Variants in TCF7L2 observed in about 807,000 individuals in gnomAD.
TCF7L2 encodes transcription factor 7-like 2.
A neutral mutation model predicts 77.9 loss-of-function variants in TCF7L2; 23 were observed. The ratio of observed to expected loss-of-function variants is 0.30; its 90% CI spans 0.21 to 0.42. The LOEUF is 0.42. TCF7L2 is among the 10% of genes least tolerant of loss of function. The pLI, the probability that TCF7L2 is intolerant of heterozygous loss-of-function variation, is 1.00. For missense variants in TCF7L2, 654 were observed against 793.1 expected (o/e 0.82, Z 2.11); for synonymous variants, 413 against 340.2 (o/e 1.21, Z -2.36).
rs139862142 is a variant in TCF7L2, at chr10:113,069,856, C to T, written c.552+29730C>T. ...TTGTAAAACCAGATATTCAAGAATA[C>T]TAGTGGCAAGAATGCTTTGGTGAGC... On this transcript the variant is annotated intron_variant, in intron 5 of 13. Coordinates refer to ENST00000627217, the MANE Select transcript of TCF7L2 (RefSeq NM_001146274.2). Among the ~76,000 whole-genome samples, 500 of 152,216 alleles carry T rather than the reference C, an allele frequency of 3.3e-3. 2 individuals are homozygous for T. Among genetic ancestry groups the T allele is most frequent in the African/African-American group, 0.011 (473 of 41,526 alleles).
intron 5 of TCF7L2, among the ~76,000 whole-genome samples, chr10:113,083,551 C>A (rs1307443738): frequency 6.6e-6 from 1 of 152,148 alleles, no homozygotes; most frequent in Non-Finnish European, 1.5e-5. Flanking sequence ...ATCAAAGTTA[C>A]CTCATCTTCA....
intron 13 of TCF7L2, 147 bp from the exon 15 acceptor site, chr10:113,165,408 G>A (rs975587032): frequency 2.4e-5 from 20 of 843,250 alleles, no homozygotes; most frequent in Non-Finnish European, 3.6e-5. Flanking sequence ...CTGGGGGGGC[G>A]CCACTGTAAT....
chr10:113,010,365 C>T (rs1021600479), intron 4 of TCF7L2, among the ~76,000 whole-genome samples: 1 of 152,068 alleles, frequency 6.6e-6, no homozygotes, highest in Non-Finnish European at 1.5e-5. Flanking sequence ...TGCCAATGCC[C>T]GGGGCCCACT....
At chr10:112,972,750 C>T (rs1043087088) in intron 4 of TCF7L2, among the ~76,000 whole-genome samples, 4 of 152,186 alleles carry the variant, frequency 2.6e-5, no homozygotes, top group African/African-American at 9.7e-5. Flanking sequence ...GGATTACAGG[C>T]GTGATCCACC....
chr10:113,009,354 G>T (rs1039960984), intron 4 of TCF7L2, among the ~76,000 whole-genome samples: 3 of 152,190 alleles, frequency 2.0e-5, no homozygotes, highest in Admixed American at 2.0e-4. Flanking sequence ...AGAGGTCTCA[G>T]CAAATCACTG....
chr10:112,990,095 A>G (rs1268872888), intron 4 of TCF7L2, among the ~76,000 whole-genome samples: 1 of 152,174 alleles, frequency 6.6e-6, no homozygotes, highest in Admixed American at 6.5e-5. Flanking sequence ...TGTTAATAAT[A>G]TAAAGACAAT....
intron 5 of TCF7L2, among the ~76,000 whole-genome samples, chr10:113,111,969 A>G (rs2063185067): frequency 6.6e-6 from 1 of 152,140 alleles, no homozygotes; most frequent in Non-Finnish European, 1.5e-5. Flanking sequence ...CTAGACAAAA[A>G]CAAGATGGTT....
intron 4 of TCF7L2, among the ~76,000 whole-genome samples, chr10:113,011,241 G>C (rs2133609036): frequency 6.6e-6 from 1 of 152,290 alleles, no homozygotes; most frequent in East Asian, 1.9e-4. Context: ...TTAGGAAAGG[G>C]CATCCAGGTA....
intron 5 of TCF7L2, among the ~76,000 whole-genome samples, chr10:113,065,543 A>G (rs762977363): frequency 6.6e-6 from 1 of 152,144 alleles, no homozygotes; most frequent in Non-Finnish European, 1.5e-5. Flanking sequence ...TTACTTATGA[A>G]GCGCTTAATA....
At chr10:113,112,900 G>T (rs144154791) in intron 5 of TCF7L2, among the ~76,000 whole-genome samples, 45 of 152,102 alleles carry the variant, frequency 3.0e-4, no homozygotes, top group Non-Finnish European at 6.3e-4. Context: ...TAAAATAAAA[G>T]GTAGAAGGCT....
chr10:112,960,070 G>C (rs1038945299), intron 3 of TCF7L2, among the ~76,000 whole-genome samples: 13 of 152,006 alleles, frequency 8.6e-5, no homozygotes, highest in African/African-American at 2.9e-4. Flanking sequence ...CAATTTAGCA[G>C]GACGAATAGG....
chr10:113,147,613 C>T (rs1407799444), intron 8 of TCF7L2, among the ~76,000 whole-genome samples: 2 of 152,160 alleles, frequency 1.3e-5, no homozygotes, highest in African/African-American at 4.8e-5. Context: ...AGTAGGGGGT[C>T]TCCCAGGTGG....
At chr10:112,986,636 CT>C (rs146276441) in intron 4 of TCF7L2, among the ~76,000 whole-genome samples, 2,112 of 152,258 alleles carry the variant, frequency 0.014, 25 homozygotes, top group Non-Finnish European at 0.021. Context: ...TGTTGTTGCA[CT>C]TGGTGTTTCT....
At chr10:113,066,035 A>G (rs890659893) in intron 5 of TCF7L2, among the ~76,000 whole-genome samples, 1 of 152,156 alleles carries the variant, frequency 6.6e-6, no homozygotes, top group Non-Finnish European at 1.5e-5. Flanking sequence ...TTGCAACACC[A>G]TGTTTTCTGA....
At chr10:113,087,096 A>G (rs774931661) in intron 5 of TCF7L2, among the ~76,000 whole-genome samples, 14 of 152,224 alleles carry the variant, frequency 9.2e-5, no homozygotes, top group Non-Finnish European at 1.5e-4. Context: ...CAAAGCCAGT[A>G]GCCCCTGATG....
chr10:113,038,514 G>GT (rs1302195305), intron 4 of TCF7L2, among the ~76,000 whole-genome samples: 1 of 152,160 alleles, frequency 6.6e-6, no homozygotes, highest in Non-Finnish European at 1.5e-5. Context: ...CCAAGCAGTC[G>GT]TATCTTCGAG....
At chr10:113,117,424 TCTCTC>T (rs2063953183) in intron 5 of TCF7L2, among the ~76,000 whole-genome samples, 1 of 33,426 alleles carries the variant, frequency 3.0e-5, no homozygotes, top group African/African-American at 1.5e-4. Context: ...TCTCTCTCTC[TCTCTC>T]TCTCCCTCTC....
At chr10:113,154,169 A>G (rs966548304) in intron 11 of TCF7L2, among the ~76,000 whole-genome samples, 2 of 152,182 alleles carry the variant, frequency 1.3e-5, no homozygotes, top group Non-Finnish European at 2.9e-5. Context: ...CTGGAGCTGA[A>G]AGGAAGAGGA....
At chr10:113,068,016 C>T (rs1201233377) in intron 5 of TCF7L2, among the ~76,000 whole-genome samples, 1 of 152,148 alleles carries the variant, frequency 6.6e-6, no homozygotes, top group Non-Finnish European at 1.5e-5. Flanking sequence ...GGGTGCGAGT[C>T]TTCTTCCGTG....
Sources: gnomAD v4.1 joint callset for allele counts (sites outside exome capture counted in the v4.1 genomes callset) on GRCh38, gnomAD v4.1.1 for gene constraint, MANE v1.5 for transcripts, NCBI Gene and HGNC (gene_info 2026-07-23, HGNC 2026-07-21) for gene names.